Variants in RYR1 observed in about 807,000 individuals in gnomAD.
RYR1 encodes central core disease of muscle.
In RYR1, 342 loss-of-function variants were observed where a neutral mutation model predicts 583.5. The ratio of observed to expected loss-of-function variants is 0.59; its 90% confidence interval spans 0.54 to 0.64. The LOEUF (loss-of-function observed/expected upper bound fraction) is 0.64. Ranked by LOEUF, RYR1 falls within the 30% of genes least tolerant of loss-of-function variation. The pLI, the probability that RYR1 is intolerant of heterozygous loss-of-function variation, is 0.00. For missense variants in RYR1, 6,032 were observed against 6,917.2 expected (o/e 0.87, Z 4.54); for synonymous variants, 2,791 against 2,822.5 (o/e 0.99, Z 0.35).
chr19:38,444,273 C>G lies in RYR1; in HGVS notation c.537+12C>G, dbSNP rs779869638. Reference sequence around the variant, plus strand: ...CCGAGCGCTACCTGGTGAGCCATTGCGGTTCCTCCTGCTCCCAGGTCTGGG... The same window carrying G: ...CCGAGCGCTACCTGGTGAGCCATTGGGGTTCCTCCTGCTCCCAGGTCTGGG... On this transcript the variant is annotated intron_variant, in intron 6 of 105. Coordinates refer to ENST00000359596, the MANE Select transcript of RYR1 (RefSeq NM_000540.3). The surrounding 1 kb of genome is among the most constrained non-coding windows in gnomAD (Gnocchi z 5.1). The G allele has an allele frequency of 1.3e-6, 2 of 1,597,596 alleles. No homozygotes were observed. The highest frequency in any genetic ancestry group is 3.3e-5 in the Admixed American group (2 of 59,862).
At position 38,543,655 on chromosome 19, in the gene RYR1, A is replaced by C. The variant is rs779285186; in HGVS notation, c.11902A>C (p.Ile3968Leu). 1 of 1,613,892 alleles carries C rather than the reference A, an allele frequency of 6.2e-7. No individual in the cohort carries two copies. Among genetic ancestry groups the C allele is most frequent in the Non-Finnish European group, 8.5e-7 (1 of 1,180,028 alleles). ...KQVFNSLTEY[I>L]QGPCTGNQQS... ...GGTGTTCAACAGCCTCACTGAGTAC[A>C]TCCAGGTAGGGCGCTCCCCCTGGGG... The change falls in exon 86 of 106, where the codon ATC (isoleucine) becomes CTC (leucine). Residue 3968 changes from isoleucine to leucine, a missense_variant. Ile to Leu is a conservative substitution (Grantham distance 5). This residue lies in a region of RYR1 where 82 missense variants were observed against 139.7 expected (regional missense o/e 0.59). Coordinates refer to ENST00000359596, the MANE Select transcript of RYR1 (RefSeq NM_000540.3). This position sits in a 1 kb window ranked among gnomAD's most constrained non-coding sequence, Gnocchi z 4.4.
rs145446438 is a variant in RYR1 at position 38,502,920 on chromosome 19, C to G, written c.7876C>G (p.Leu2626Val). The G allele has an allele frequency of 1.9e-6, 3 of 1,611,806 alleles. No individual in the cohort carries two copies. Among genetic ancestry groups the G allele is most frequent in the Non-Finnish European group, 2.5e-6 (3 of 1,179,998 alleles). The change falls in exon 49 of 106, where the codon CTG becomes GTG. Residue 2626 changes from leucine to valine, a missense_variant. This residue lies in a region of RYR1 where 250 missense variants were observed against 162.3 expected (regional missense o/e 1.54). Coordinates refer to ENST00000359596, the MANE Select transcript of RYR1 (RefSeq NM_000540.3). ...GATGCTGCAGCACCTGTTGCGCCGC[C>G]TGGTGTTCGACGTGCCCATCCTCAA... ...PSMLQHLLRR[L>V]VFDVPILNEF...
At chr19:38,521,971 G>A (rs962119295) in intron 67 of RYR1, among the ~76,000 whole-genome samples, 1 of 152,096 alleles carries the variant, frequency 6.6e-6, no homozygotes, top group Non-Finnish European at 1.5e-5. Context: ...GCCTCCCAAA[G>A]TGCTGGGATT....
chr19:38,530,233 C>T (rs1045684802), intron 76 of RYR1, among the ~76,000 whole-genome samples: 2 of 151,966 alleles, frequency 1.3e-5, no homozygotes, highest in Non-Finnish European at 2.9e-5. Flanking sequence ...GGACTACAGG[C>T]GTGAGCCACT....
chr19:38,541,496 A>C (rs1972188412), intron 84 of RYR1, among the ~76,000 whole-genome samples: 1 of 152,166 alleles, frequency 6.6e-6, no homozygotes, highest in African/African-American at 2.4e-5. Context: ...CAGGTGGATC[A>C]CAAGGTCAGG....
intron 1 of RYR1, among the ~76,000 whole-genome samples, chr19:38,434,563 C>T (rs1972340946): frequency 6.6e-6 from 1 of 152,116 alleles, no homozygotes; most frequent in African/African-American, 2.4e-5. Flanking sequence ...CTCTGATTTT[C>T]GCTGTCTCTC....
chr19:38,446,749 C>A lies in RYR1; in HGVS notation c.781C>A (p.Leu261Met). 1.2e-6 allele frequency: 2 copies of A among 1,613,620 alleles called. No homozygotes were observed. Among genetic ancestry groups the A allele is most frequent in the Non-Finnish European group, 1.7e-6 (2 of 1,179,838 alleles). Reference sequence around the variant, plus strand: ...CACTCATGCCCGCTCCCTCTGGAGGCTGGAGCCACTGAGAATCAGGTAGGG... The same window carrying A: ...CACTCATGCCCGCTCCCTCTGGAGGATGGAGCCACTGAGAATCAGGTAGGG... ...VCTHARSLWR[L>M]EPLRISWSGS... is the part of the protein sequence containing the mutation. The change falls in exon 9 of 106, where the codon CTG becomes ATG. Residue 261 changes from leucine to methionine, a missense_variant. Leu to Met is a conservative substitution (Grantham distance 15, BLOSUM62 2). Around this residue, in one of 11 missense-constraint regions of RYR1, gnomAD observed 338 missense variants for 441.6 expected, o/e 0.77. Coordinates refer to ENST00000359596, the MANE Select transcript of RYR1 (RefSeq NM_000540.3).
intron 105 of RYR1, 45 bp from the exon 106 acceptor site, chr19:38,587,280 G>C (rs1974538701): frequency 7.9e-7 from 1 of 1,265,464 alleles, no homozygotes; most frequent in Admixed American, 1.7e-5. Context: ...ATGTCTCAAG[G>C]GTTTGAAGAT....
rs140266497 is a variant in RYR1 at position 38,496,761 on chromosome 19, C to T, written c.6797-99C>T. ...TGAGGGAAGTACAGACCAGAGGAGGCACCTGATCCAGGCTGGAAAAAGGGT... is the reference window on the plus strand; with the variant it reads ...TGAGGGAAGTACAGACCAGAGGAGGTACCTGATCCAGGCTGGAAAAAGGGT... On this transcript the variant is annotated intron_variant, in intron 41 of 105. Transcript: ENST00000359596. This position sits in a 1 kb window ranked among gnomAD's most constrained non-coding sequence, Gnocchi z 4.8. The T allele has an allele frequency of 3.4e-4, 420 of 1,240,188 alleles. 2 individuals carry two copies. In the African/African-American group the frequency reaches 5.4e-3, roughly 16 times the overall value. 76.8% of individuals were successfully genotyped at this position (1,240,188 alleles called of 1,614,324 possible). A position where few individuals can be genotyped will look rare whatever the true frequency, so the allele number is the denominator to read the frequency against.
chr19:38,538,049 T>TC, intron 84 of RYR1, 89 bp downstream of exon 84: 1 of 1,229,068 alleles, frequency 8.1e-7, no homozygotes, highest in South Asian at 1.2e-5. Flanking sequence ...CCCCTCCTCC[T>TC]CCCCCGGTCA....
chr19:38,563,961 G>A (rs539512363), intron 90 of RYR1, among the ~76,000 whole-genome samples: 2 of 152,364 alleles, frequency 1.3e-5, no homozygotes, highest in South Asian at 2.1e-4. Context: ...GCTTGTTTGT[G>A]AGGATTAAAT....
At chr19:38,532,235 C>A (rs1412803337) in intron 76 of RYR1, among the ~76,000 whole-genome samples, 1 of 151,908 alleles carries the variant, frequency 6.6e-6, no homozygotes, top group Non-Finnish European at 1.5e-5. Context: ...AATTCTCCTG[C>A]CTCAGCCTCC....
chr19:38,546,706 C>G (rs1030597901), intron 88 of RYR1, among the ~76,000 whole-genome samples, 180 bp downstream of exon 88: 3 of 149,324 alleles, frequency 2.0e-5, no homozygotes, highest in Admixed American at 6.8e-5. Context: ...AATCCCAGCA[C>G]TTTGGGAGGC....
chr19:38,452,556 C>T (rs1165654476), intron 12 of RYR1, among the ~76,000 whole-genome samples: 2 of 152,216 alleles, frequency 1.3e-5, no homozygotes, highest in Non-Finnish European at 2.9e-5. Context: ...TTTCACACCC[C>T]TGACACCCAG....
intron 91 of RYR1, among the ~76,000 whole-genome samples, chr19:38,566,127 A>G (rs1973414059): frequency 6.6e-6 from 1 of 151,638 alleles, no homozygotes. Flanking sequence ...AGAGTAAGAA[A>G]CCCAGAGACC....
chr19:38,474,284 T>C (rs1276185880), intron 28 of RYR1, among the ~76,000 whole-genome samples: 1 of 152,054 alleles, frequency 6.6e-6, no homozygotes, highest in East Asian at 1.9e-4. Flanking sequence ...CTTTTTTTTT[T>C]TGAGGAGGAA....
At chr19:38,523,488 G>C (rs1204848275) in intron 69 of RYR1, 179 bp downstream of exon 69, 1 of 670,978 alleles carries the variant, frequency 1.5e-6, no homozygotes, top group Non-Finnish European at 2.6e-6. Context: ...TCCTCCTCCT[G>C]TATCTTCTCC....
At position 38,433,860 on chromosome 19, in the gene RYR1, C is replaced by T; in HGVS notation, c.31C>T (p.Gln11Ter). 6.2e-7 allele frequency: 1 copy of T among 1,613,654 alleles called. No individual in the cohort carries two copies. The highest frequency in any genetic ancestry group is 8.5e-7 in the Non-Finnish European group (1 of 1,179,780). The change falls in exon 1 of 106, where the codon CAG becomes TAG. Residue 11 changes from glutamine to a stop codon, truncating the protein, a stop_gained. Coordinates refer to ENST00000359596, the MANE Select transcript of RYR1 (RefSeq NM_000540.3). LOFTEE classifies it high-confidence loss of function. MGDAEGEDEV[Q>*]FLRTDDEVVL... ...TGACGCAGAAGGCGAAGACGAGGTC[C>T]AGTTCCTGCGGACGGTGCGTATCTC...
chr19:38,481,849 A>G (rs1312682173), intron 31 of RYR1, among the ~76,000 whole-genome samples: 1 of 152,124 alleles, frequency 6.6e-6, no homozygotes, highest in Non-Finnish European at 1.5e-5. Flanking sequence ...GCACTTTGGG[A>G]GGCCGAGTTG....
Sources: allele counts gnomAD v4.1 joint callset (sites outside exome capture counted in the v4.1 genomes callset), GRCh38; gene constraint gnomAD v4.1.1; regional missense constraint gnomAD v4.1.1; non-coding constraint Gnocchi (gnomAD v3.1); transcripts MANE v1.5; gene names NCBI Gene and HGNC (gene_info 2026-07-23, HGNC 2026-07-21).